Variants in GLDC observed in about 807,000 individuals in gnomAD.
GLDC encodes glycine decarboxylase.
Under a neutral mutation model 121.3 loss-of-function variants are expected in GLDC, and 104 were observed. That is an observed-to-expected ratio of 0.86 (90% confidence interval 0.73 to 1.01). The LOEUF is 1.01. Ranked by LOEUF, GLDC falls within the 50% of genes least tolerant of loss-of-function variation. The probability of loss-of-function intolerance (pLI) is 0.00; values close to 1 mark genes in which losing one functional copy is unlikely to be tolerated. For missense variants in GLDC, 1,429 were observed against 1,306.6 expected (o/e 1.09, Z -1.44); for synonymous variants, 546 against 480.6 (o/e 1.14, Z -1.78).
At chr9:6,630,235 C>T (rs1373070967) in intron 2 of GLDC, among the ~76,000 whole-genome samples, 1 of 151,844 alleles carries the variant, frequency 6.6e-6, no homozygotes, top group African/African-American at 2.4e-5. Context: ...TGCCACTGCA[C>T]CCCAGCCTGG....
At chr9:6,644,058 A>AAAAAGAAAAAG (rs1819687075) in intron 2 of GLDC, among the ~76,000 whole-genome samples, 2 of 145,522 alleles carry the variant, frequency 1.4e-5, no homozygotes, top group African/African-American at 5.2e-5. Flanking sequence ...AAACGAAAAA[A>AAAAAGAAAAAG]AAAAGAAAAG....
chr9:6,622,192 T>C (rs1288552572), intron 2 of GLDC, among the ~76,000 whole-genome samples: 2 of 97,962 alleles, frequency 2.0e-5, no homozygotes, highest in African/African-American at 8.8e-5. Flanking sequence ...ACACACACAC[T>C]CCGCACTCCA....
chr9:6,639,221 A>G, intron 2 of GLDC: 1 of 896,520 alleles, frequency 1.1e-6, no homozygotes, highest in Non-Finnish European at 1.9e-6. Flanking sequence ...CCAAGAAGGC[A>G]GTGTTGAAAG....
At chr9:6,573,843 G>T (rs1818011731) in intron 15 of GLDC, among the ~76,000 whole-genome samples, 1 of 152,242 alleles carries the variant, frequency 6.6e-6, no homozygotes, top group African/African-American at 2.4e-5. Flanking sequence ...GGGAAAAATG[G>T]GTGCAGATTC....
intron 22 of GLDC, among the ~76,000 whole-genome samples, chr9:6,537,212 C>T (rs1419490132): frequency 6.6e-6 from 1 of 151,982 alleles, no homozygotes; most frequent in Non-Finnish European, 1.5e-5. Flanking sequence ...GTTGTTGTTG[C>T]ATAGACAGAG....
At position 6,588,420 on chromosome 9, in the gene GLDC, T is replaced by C. The variant is rs1179181116; in HGVS notation, c.1688A>G (p.Asn563Ser). Residue 563 changes from asparagine (N) to serine (S), a missense_variant, in exon 14 of 25, where the codon AAC becomes AGC. By Grantham distance (46) the Asn-to-Ser change is conservative. Coordinates refer to ENST00000321612, the MANE Select transcript of GLDC (RefSeq NM_000170.3). ...ACTTACTGCGAGTTCAGACGAACTG[T>C]TCAGTTTCATGGTGCAGGATCCCTT... ...IPLGSCTMKL[N>S]SSSELAPITW... 2.5e-6 allele frequency: 4 copies of C among 1,612,142 alleles called. No individual in the cohort carries two copies. The Admixed American group carries it at 6.7e-5, about 27-fold the overall frequency.
At chr9:6,535,940 G>T in intron 23 of GLDC, 124 bp downstream of exon 23, 1 of 864,970 alleles carries the variant, frequency 1.2e-6, no homozygotes, top group East Asian at 2.5e-5. Flanking sequence ...CTTCTCAGAA[G>T]AATTACCTTA....
chr9:6,554,458 ATGCT>A (rs1245439801), intron 19 of GLDC, among the ~76,000 whole-genome samples: 2 of 152,236 alleles, frequency 1.3e-5, no homozygotes, highest in Non-Finnish European at 2.9e-5. Context: ...GTGAGGCCAG[ATGCT>A]ATGGTTAGTA....
At chr9:6,620,847 A>G (rs1298496193) in intron 2 of GLDC, among the ~76,000 whole-genome samples, 2 of 152,174 alleles carry the variant, frequency 1.3e-5, no homozygotes, top group Non-Finnish European at 2.9e-5. Flanking sequence ...ATCACTCAAC[A>G]ATAGAAAATA....
chr9:6,581,147 G>T (rs561378990), intron 15 of GLDC, among the ~76,000 whole-genome samples: 27 of 152,306 alleles, frequency 1.8e-4, no homozygotes, highest in Non-Finnish European at 3.4e-4. Context: ...AACAAATGAA[G>T]AACAAGTGTT....
At chr9:6,559,763 C>T (rs139187839) in intron 16 of GLDC, among the ~76,000 whole-genome samples, 1,817 of 151,482 alleles carry the variant, frequency 0.012, 38 homozygotes, top group African/African-American at 0.042. Context: ...TGCAGCGAGC[C>T]GAGATCGCGC....
chr9:6,644,183 G>A (rs1819690355), intron 2 of GLDC, among the ~76,000 whole-genome samples: 1 of 151,914 alleles, frequency 6.6e-6, no homozygotes, highest in South Asian at 2.1e-4. Flanking sequence ...AAGAAGCCTG[G>A]GGGAGGGAGG....
At chr9:6,570,029 A>G (rs1444306467) in intron 15 of GLDC, among the ~76,000 whole-genome samples, 1 of 152,174 alleles carries the variant, frequency 6.6e-6, no homozygotes, top group Non-Finnish European at 1.5e-5. Flanking sequence ...ACCATAAGCA[A>G]TTTCTCAGAT....
At chr9:6,553,564 A>C in intron 19 of GLDC, 55 bp from the exon 20 acceptor site, 2 of 1,566,466 alleles carry the variant, frequency 1.3e-6, no homozygotes, top group Non-Finnish European at 1.8e-6. Context: ...GTTTAATCTA[A>C]TGGGAAGGTT....
chr9:6,644,407 C>G lies in GLDC; in HGVS notation c.334+207G>C. ...ATAAAGACCAAGAACCGCACAACAC[C>G]GACTCTCTCCTAACACAAAACTGTC... On this transcript the variant is annotated intron_variant, in intron 2 of 24. Coordinates refer to ENST00000321612, the MANE Select transcript of GLDC (RefSeq NM_000170.3). The G allele has an allele frequency of 4.9e-6, 3 of 617,090 alleles. No homozygotes were observed. In the South Asian group the frequency reaches 5.8e-5, roughly 12 times the overall value. 38.2% of individuals were successfully genotyped at this position (617,090 alleles called of 1,614,324 possible). A position where few individuals can be genotyped will look rare whatever the true frequency, so the allele number is the denominator to read the frequency against.
intron 2 of GLDC, among the ~76,000 whole-genome samples, chr9:6,620,940 G>A (rs996837664): frequency 6.6e-6 from 1 of 152,176 alleles, no homozygotes; most frequent in Admixed American, 6.5e-5. Flanking sequence ...GGCTGAGGTG[G>A]GCGGATCACC....
At chr9:6,621,732 G>A (rs1819099574) in intron 2 of GLDC, among the ~76,000 whole-genome samples, 1 of 152,142 alleles carries the variant, frequency 6.6e-6, no homozygotes, top group Non-Finnish European at 1.5e-5. Flanking sequence ...TGGCTAGGCT[G>A]GTCTCGAACT....
At chr9:6,540,766 A>G (rs929149092) in intron 21 of GLDC, 3 of 154,216 alleles carry the variant, frequency 1.9e-5, no homozygotes, top group Admixed American at 6.4e-5. Context: ...AATGAGGCCA[A>G]AGTCTGTGCG....
At chr9:6,628,711 C>T (rs1819300306) in intron 2 of GLDC, among the ~76,000 whole-genome samples, 1 of 152,170 alleles carries the variant, frequency 6.6e-6, no homozygotes, top group Non-Finnish European at 1.5e-5. Flanking sequence ...AATGCACTCC[C>T]ACCTGGGTGA....
Sources: allele counts gnomAD v4.1 joint callset (sites outside exome capture counted in the v4.1 genomes callset), GRCh38; gene constraint gnomAD v4.1.1; transcripts MANE v1.5; gene names NCBI Gene and HGNC (gene_info 2026-07-23, HGNC 2026-07-21).